ARHGAP42: variants seen among roughly 807,000 people sequenced by gnomAD.
ARHGAP42 encodes the protein rho GTPase-activating protein 42.
ARHGAP42 carries 63 observed loss-of-function variants against 125.0 expected under a neutral mutation model. That is an observed-to-expected ratio of 0.50 (90% CI 0.41 to 0.62). The LOEUF is 0.62. Ranked by LOEUF, ARHGAP42 falls within the 20% of genes least tolerant of loss-of-function variation. ARHGAP42 has a pLI of 0.00. For missense variants in ARHGAP42, 766 were observed against 1,024.2 expected, an observed-to-expected ratio of 0.75 and a Z score of 3.44; for synonymous variants, 339 against 351.0, an observed-to-expected ratio of 0.97 and a Z score of 0.38.
At position 100,976,911 on chromosome 11, in the gene ARHGAP42, T is replaced by A. The variant is rs763686058; in HGVS notation, c.2333T>A (p.Met778Lys). Reference protein sequence around the residue: ...ASPNPDLPPKMCRRLRLDTAS... With the variant: ...ASPNPDLPPKKCRRLRLDTAS... ...CCAAACCCAGACCTGCCTCCGAAAA[T>A]GTGCAGGAGATTAAGACTAGACACT... The change falls in exon 21 of 24, where the codon ATG becomes AAG. Residue 778 changes from methionine to lysine, a missense_variant. Physicochemically the swap from Met to Lys is moderately conservative, Grantham distance 95. This residue lies in a region of ARHGAP42 where 308 missense variants were observed against 369.7 expected (regional missense o/e 0.83). Transcript: ENST00000298815. The A allele has an allele frequency of 2.6e-6, 4 of 1,551,336 alleles. No individual in the cohort carries two copies. In the African/African-American group the frequency reaches 5.5e-5, roughly 21 times the overall value.
chr11:100,868,017 A>T (rs1865611843), intron 4 of ARHGAP42, among the ~76,000 whole-genome samples: 1 of 152,198 alleles, frequency 6.6e-6, no homozygotes, highest in South Asian at 2.1e-4. Context: ...TAGGTGTGAG[A>T]CCATGGAGCC....
At chr11:100,801,799 G>A (rs1863858941) in intron 3 of ARHGAP42, among the ~76,000 whole-genome samples, 1 of 152,188 alleles carries the variant, frequency 6.6e-6, no homozygotes, top group African/African-American at 2.4e-5. Flanking sequence ...CCACAGTGTG[G>A]ATTGACACCT....
chr11:100,711,363 T>C (rs2120237989), intron 1 of ARHGAP42, among the ~76,000 whole-genome samples: 1 of 152,318 alleles, frequency 6.6e-6, no homozygotes, highest in South Asian at 2.1e-4. Flanking sequence ...GAGAATCTTC[T>C]CTGTTTGTTT....
chr11:100,926,953 C>T (rs997064419), intron 6 of ARHGAP42, among the ~76,000 whole-genome samples: 5 of 152,038 alleles, frequency 3.3e-5, no homozygotes, highest in African/African-American at 1.2e-4. Context: ...TTTTAGAGTC[C>T]ATTATAGTCT....
chr11:100,820,539 A>G (rs754937267), intron 3 of ARHGAP42, among the ~76,000 whole-genome samples: 2 of 152,174 alleles, frequency 1.3e-5, no homozygotes, highest in Non-Finnish European at 2.9e-5. Flanking sequence ...CTTTAAAAAG[A>G]TGGAGAACAT....
At chr11:100,702,278 C>T (rs1170816300) in intron 1 of ARHGAP42, among the ~76,000 whole-genome samples, 1 of 151,972 alleles carries the variant, frequency 6.6e-6, no homozygotes, top group African/African-American at 2.4e-5. Context: ...AAAAGAAAAA[C>T]AGAGATGGAG....
At chr11:100,838,075 T>C (rs1864858180) in intron 3 of ARHGAP42, among the ~76,000 whole-genome samples, 1 of 151,488 alleles carries the variant, frequency 6.6e-6, no homozygotes, top group Non-Finnish European at 1.5e-5. Flanking sequence ...GTCTGTCTGT[T>C]TGTTTTTGTT....
intron 17 of ARHGAP42, among the ~76,000 whole-genome samples, chr11:100,972,923 A>AT (rs1309177044): frequency 6.6e-6 from 1 of 152,128 alleles, no homozygotes; most frequent in Non-Finnish European, 1.5e-5. Context: ...ATTGTACTTG[A>AT]TTTAGGAAAT....
chr11:100,697,269 G>A (rs1292757074), intron 1 of ARHGAP42, among the ~76,000 whole-genome samples: 3 of 151,748 alleles, frequency 2.0e-5, no homozygotes, highest in African/African-American at 4.8e-5. Context: ...TGCAAGCTCC[G>A]CCTCCCAGGT....
chr11:100,763,209 G>A (rs1482903691), intron 1 of ARHGAP42, among the ~76,000 whole-genome samples: 1 of 151,846 alleles, frequency 6.6e-6, no homozygotes, highest in African/African-American at 2.4e-5. Flanking sequence ...TTGAATTTCC[G>A]ACCTCAGGTG....
intron 4 of ARHGAP42, among the ~76,000 whole-genome samples, chr11:100,869,405 C>CTTTTTTTT (rs59868766): frequency 6.8e-6 from 1 of 146,920 alleles, no homozygotes; most frequent in Non-Finnish European, 1.5e-5. Flanking sequence ...AATCTTTCCT[C>CTTTTTTTT]TTTTTTTTTT....
intron 3 of ARHGAP42, among the ~76,000 whole-genome samples, chr11:100,853,206 G>A (rs147403222): frequency 6.6e-6 from 1 of 152,132 alleles, no homozygotes; most frequent in Non-Finnish European, 1.5e-5. Context: ...CTTTTAAGAT[G>A]TCAATCCTAA....
chr11:100,991,669 A>C lies in ARHGAP42; in HGVS notation c.*2868A>C, dbSNP rs1196740817. 1 of 152,146 alleles carries C rather than the reference A, an allele frequency of 6.6e-6. No homozygotes were observed. Among genetic ancestry groups the C allele is most frequent in the African/African-American group, 2.4e-5 (1 of 41,448 alleles). 9.4% of individuals were successfully genotyped at this position (152,146 alleles called of 1,614,324 possible). The stretch of plus-strand genomic sequence containing the variant: ...AACTGAAGGATTTTTCTGTTGTGTT[A>C]TGTGTAAATGTCTGAACAGTAAAAT... On this transcript the variant is annotated 3_prime_UTR_variant, in exon 24 of 24. Transcript: ENST00000298815.
rs546216063 is a variant in ARHGAP42, at chr11:100,928,025, C to T, written c.598-5131C>T. Among the ~76,000 whole-genome samples the T allele has an allele frequency of 9.9e-5, 15 of 152,274 alleles. No homozygotes were observed. The East Asian group carries it at 2.1e-3, about 22-fold the overall frequency. On this transcript the variant is annotated intron_variant, in intron 6 of 23. Coordinates refer to ENST00000298815, the MANE Select transcript of ARHGAP42 (RefSeq NM_152432.4). ...CCATGAACTCCTTTGCACATCTATG[C>T]ATTAGACTTAAAGCAATCTGTAGTC...
At chr11:100,943,627 A>G (rs1867940408) in intron 9 of ARHGAP42, 132 bp from the exon 10 acceptor site, 4 of 519,708 alleles carry the variant, frequency 7.7e-6, no homozygotes, top group African/African-American at 3.9e-5. Context: ...AAAAAAAGAC[A>G]GGGTATGATT....
At chr11:100,959,824 C>A (rs1478928645) in intron 12 of ARHGAP42, 59 bp from the exon 13 acceptor site, 42 of 1,480,276 alleles carry the variant, frequency 2.8e-5, no homozygotes, top group Non-Finnish European at 3.8e-5. Flanking sequence ...ACAGAGCCAA[C>A]TGAAGGGGGA....
chr11:100,753,079 A>G (rs1862496313), intron 1 of ARHGAP42, among the ~76,000 whole-genome samples: 1 of 152,072 alleles, frequency 6.6e-6, no homozygotes, highest in Admixed American at 6.5e-5. Flanking sequence ...GGGCAGGTTG[A>G]GGGGCAAAGC....
chr11:100,691,472 AAG>A (rs1709416728), intron 1 of ARHGAP42, among the ~76,000 whole-genome samples: 1 of 152,316 alleles, frequency 6.6e-6, no homozygotes, highest in Non-Finnish European at 1.5e-5. Context: ...AAGAGACAAA[AAG>A]AGAATAGACA....
chr11:100,817,286 C>T lies in ARHGAP42; in HGVS notation c.312+22120C>T, dbSNP rs776689552. Among the ~76,000 whole-genome samples the T allele has an allele frequency of 1.7e-4, 26 of 152,190 alleles. 1 individual carries two copies. Among genetic ancestry groups the T allele is most frequent in the Non-Finnish European group, 3.8e-4 (26 of 68,028 alleles). On this transcript the variant is annotated intron_variant, in intron 3 of 23. Transcript: ENST00000298815. ...TGTGACAACCCAACACGTCTGCAGACATTGCCAGATATCTCCATTTGAGAA... is the reference window on the plus strand; with the variant it reads ...TGTGACAACCCAACACGTCTGCAGATATTGCCAGATATCTCCATTTGAGAA...
Sources: allele counts gnomAD v4.1 joint callset (sites outside exome capture counted in the v4.1 genomes callset), GRCh38; gene constraint gnomAD v4.1.1; regional missense constraint gnomAD v4.1.1; transcripts MANE v1.5; gene names NCBI Gene and HGNC (gene_info 2026-07-23, HGNC 2026-07-21).